NR1H3: variants seen among roughly 807,000 people sequenced by gnomAD.
The protein encoded by NR1H3 is oxysterols receptor LXR-alpha.
Under a neutral mutation model 48.1 loss-of-function variants are expected in NR1H3, and 19 were observed. That is an observed-to-expected ratio of 0.40 (90% CI 0.28 to 0.58). The LOEUF is 0.58. Among genes scored for constraint, NR1H3 ranks in the 20% least tolerant of loss-of-function variants. NR1H3 has a pLI of 0.50. For missense variants in NR1H3, 486 were observed against 595.9 expected (o/e 0.82, Z 1.92); for synonymous variants, 232 against 227.3 (o/e 1.02, Z -0.19).
chr11:47,259,169 C>T lies in NR1H3; in HGVS notation c.-37-11C>T, dbSNP rs1247191743. The T allele has an allele frequency of 1.2e-6, 2 of 1,614,042 alleles. No homozygotes were observed. The highest frequency in any genetic ancestry group is 1.7e-6 in the Non-Finnish European group (2 of 1,179,970). ...AGTTCTAGAAGAGTATAATCTGGGTCCTTCCTGCAGGACAGTGCCTTGGTA... is the reference window on the plus strand; with the variant it reads ...AGTTCTAGAAGAGTATAATCTGGGTTCTTCCTGCAGGACAGTGCCTTGGTA... On this transcript the variant is annotated splice_polypyrimidine_tract_variant and intron_variant, in intron 1 of 9. Coordinates refer to ENST00000441012, the MANE Select transcript of NR1H3 (RefSeq NM_005693.4).
chr11:47,248,609 A>G, upstream of NR1H3: 1 of 1,559,316 alleles, frequency 6.4e-7, no homozygotes, highest in Non-Finnish European at 8.7e-7. Flanking sequence ...GAGATCCTCG[A>G]CCTCCACCAG....
At chr11:47,248,771 C>T, upstream of NR1H3, 5 of 1,598,644 alleles carry the variant, frequency 3.1e-6, no homozygotes, top group Non-Finnish European at 4.3e-6. Flanking sequence ...CGGCTCCAGC[C>T]GGACCGCTTG....
At chr11:47,261,503 T>C (rs1301897999) in intron 5 of NR1H3, 44 bp from the exon 6 acceptor site, 8 of 1,610,428 alleles carry the variant, frequency 5.0e-6, no homozygotes, top group Non-Finnish European at 5.9e-6. Context: ...AGTGGGCTTC[T>C]TGATGTCCGA....
chr11:47,259,388 T>A, intron 2 of NR1H3, 129 bp downstream of exon 2: 1 of 1,595,154 alleles, frequency 6.3e-7, no homozygotes, highest in Non-Finnish European at 8.6e-7. Context: ...TTCTTAGTCG[T>A]GCTTGCCTCC....
rs149895806 is a variant in NR1H3, at chr11:47,268,671, C to G, written c.1319C>G (p.Ser440Cys). The change falls in exon 10 of 10, where the codon TCT (serine) becomes TGT (cysteine). Residue 440 changes from serine to cysteine, a missense_variant. Coordinates refer to ENST00000441012, the MANE Select transcript of NR1H3 (RefSeq NM_005693.4). ...LQDKKLPPLL[S>C]EIWDVHE ...GACAAAAAGCTCCCACCGCTGCTCT[C>G]TGAGATCTGGGATGTGCACGAATGA... 353 of 1,614,180 alleles carry G rather than the reference C, an allele frequency of 2.2e-4. No homozygotes were observed. In the Middle Eastern group the frequency reaches 6.8e-3, roughly 31 times the overall value.
intron 1 of NR1H3, 116 bp downstream of exon 1, chr11:47,258,245 G>A (rs569587194): frequency 2.2e-4 from 210 of 969,364 alleles, no homozygotes; most frequent in South Asian, 2.1e-3. Context: ...GGGTGATGGT[G>A]ATGGAAGCTT....
chr11:47,263,374 C>G (rs1334948581), intron 7 of NR1H3, among the ~76,000 whole-genome samples: 4 of 151,574 alleles, frequency 2.6e-5, no homozygotes, highest in African/African-American at 9.7e-5. Flanking sequence ...CAGTAATCCT[C>G]CTGCCTCAGC....
intron 3 of NR1H3, 31 bp from the exon 4 acceptor site, chr11:47,260,378 G>A (rs779563962): frequency 1.3e-6 from 2 of 1,584,044 alleles, no homozygotes; most frequent in Admixed American, 3.5e-5. Context: ...TTTCCTCGGG[G>A]GAGAGCGTTG....
chr11:47,248,656 GTGAGCCCATCTC>G, upstream of NR1H3: 1 of 1,600,938 alleles, frequency 6.2e-7, no homozygotes, highest in Non-Finnish European at 8.5e-7. Flanking sequence ...GAAGTCTTTG[GTGAGCCCATCTC>G]TCATTACCAA....
At position 47,268,685 on chromosome 11, in the gene NR1H3, G is replaced by A. The variant is rs369609715; in HGVS notation, c.1333G>A (p.Val445Met). Residue 445 changes from valine (V) to methionine (M), a missense_variant, in exon 10 of 10, where the codon GTG becomes ATG. By Grantham distance (21) the Val-to-Met change is conservative (BLOSUM62 1). Transcript: ENST00000441012. ...ACCGCTGCTCTCTGAGATCTGGGATGTGCACGAATGACTGTTCTGTCCCCA... is the reference window on the plus strand; with the variant it reads ...ACCGCTGCTCTCTGAGATCTGGGATATGCACGAATGACTGTTCTGTCCCCA... ...LPPLLSEIWD[V>M]HE 39 of 1,613,974 alleles carry A rather than the reference G, an allele frequency of 2.4e-5. No individual in the cohort carries two copies. Among genetic ancestry groups the A allele is most frequent in the Non-Finnish European group, 3.2e-5 (38 of 1,180,030 alleles).
At chr11:47,267,248 A>C (rs1591176732) in intron 7 of NR1H3, among the ~76,000 whole-genome samples, 1 of 152,258 alleles carries the variant, frequency 6.6e-6, no homozygotes, top group Non-Finnish European at 1.5e-5. Flanking sequence ...TCGAGGCTGC[A>C]GTGAGCTGTG....
At chr11:47,264,850 A>T (rs1956293301) in intron 7 of NR1H3, among the ~76,000 whole-genome samples, 1 of 152,190 alleles carries the variant, frequency 6.6e-6, no homozygotes, top group Non-Finnish European at 1.5e-5. Flanking sequence ...GGTGACATGG[A>T]CTGAGCACAT....
At chr11:47,255,583 T>TCTC (rs1955044135), upstream of NR1H3, among the ~76,000 whole-genome samples, 1 of 82,468 alleles carries the variant, frequency 1.2e-5, no homozygotes, top group African/African-American at 6.5e-5. Flanking sequence ...CTTTCTTTCT[T>TCTC]TCTTTCTTTC....
At position 47,260,591 on chromosome 11, in the gene NR1H3, C is replaced by T. The variant is rs748753598; in HGVS notation, c.415C>T (p.His139Tyr). ...GAHYICHSGG[H>Y]CPMDTYMRRK... ...GCACTACATCTGCCACAGTGGCGGC[C>T]ACTGCCCCATGGACACCTACATGCG... is the stretch of plus-strand genomic sequence containing the variant. The change falls in exon 4 of 10, where the codon CAC (histidine) becomes TAC (tyrosine). Residue 139 changes from histidine (H) to tyrosine (Y), a missense_variant. Transcript: ENST00000441012. The T allele has an allele frequency of 3.7e-6, 6 of 1,613,976 alleles. No individual in the cohort carries two copies. Among genetic ancestry groups the T allele is most frequent in the Admixed American group, 1.7e-5 (1 of 60,014 alleles).
intron 1 of NR1H3, 168 bp from the exon 2 acceptor site, chr11:47,259,012 A>G: frequency 1.6e-6 from 2 of 1,262,536 alleles, no homozygotes; most frequent in Non-Finnish European, 2.1e-6. Flanking sequence ...ACCTGTCTCT[A>G]AAAAACATAA....
At chr11:47,267,888 G>A (rs769731284) in intron 7 of NR1H3, 25 bp from the exon 8 acceptor site, 43 of 1,532,152 alleles carry the variant, frequency 2.8e-5, no homozygotes, top group East Asian at 6.7e-5. Flanking sequence ...TGCTGCTTGC[G>A]TCAGCCTCCC....
At chr11:47,260,922 TA>T (rs774225344) in intron 4 of NR1H3, among the ~76,000 whole-genome samples, 1 of 151,892 alleles carries the variant, frequency 6.6e-6, no homozygotes, top group Non-Finnish European at 1.5e-5. Flanking sequence ...CCGACTCTAC[TA>T]AAAATACAAA....
At chr11:47,267,548 G>A (rs1039133452) in intron 7 of NR1H3, among the ~76,000 whole-genome samples, 5 of 148,118 alleles carry the variant, frequency 3.4e-5, no homozygotes, top group South Asian at 2.1e-4. Context: ...TCGCTCTATC[G>A]CCCAGGCTGG....
chr11:47,260,720 G>T, intron 4 of NR1H3, 45 bp downstream of exon 4: 2 of 1,544,226 alleles, frequency 1.3e-6, no homozygotes, highest in Non-Finnish European at 8.7e-7. Flanking sequence ...AGGGGAAAGA[G>T]GGGGCCAGGG....
Sources: gnomAD v4.1 joint callset for allele counts (sites outside exome capture counted in the v4.1 genomes callset) on GRCh38, gnomAD v4.1.1 for gene constraint, MANE v1.5 for transcripts, NCBI Gene and HGNC (gene_info 2026-07-23, HGNC 2026-07-21) for gene names.